DCUN1D5: variants seen among roughly 807,000 people sequenced by gnomAD.
DCUN1D5 encodes the protein DCN1-like protein 5.
Under a neutral mutation model 38.3 loss-of-function variants are expected in DCUN1D5, and 10 were observed. The ratio of observed to expected loss-of-function variants is 0.26; its 90% confidence interval spans 0.16 to 0.44. DCUN1D5 has a LOEUF of 0.44. DCUN1D5 is among the 20% of genes least tolerant of loss of function. The probability of loss-of-function intolerance (pLI) is 1.00; values close to 1 mark genes in which losing one functional copy is unlikely to be tolerated. For missense variants in DCUN1D5, 148 were observed against 275.3 expected (o/e 0.54, Z 3.27); for synonymous variants, 93 against 90.9 (o/e 1.02, Z -0.13).
chr11:103,090,338 G>C (rs117175527), intron 1 of DCUN1D5, among the ~76,000 whole-genome samples: 1 of 152,108 alleles, frequency 6.6e-6, no homozygotes, highest in South Asian at 2.1e-4. Flanking sequence ...ACAAACAAGA[G>C]GTGTATGTAT....
At chr11:103,079,739 T>C (rs1862507089) in intron 4 of DCUN1D5, among the ~76,000 whole-genome samples, 1 of 150,860 alleles carries the variant, frequency 6.6e-6, no homozygotes, top group Non-Finnish European at 1.5e-5. Flanking sequence ...GCCATGATTG[T>C]GTCACTGCTC....
rs891457038 is a variant in DCUN1D5 at position 103,073,056 on chromosome 11, T to C, written c.342-6489A>G. ...TTCAGCAAGGTCACAGGATACAAGA[T>C]AAACATATAAAAATCAATTGTATTT... On this transcript the variant is annotated intron_variant, in intron 4 of 7. Transcript: ENST00000260247. The surrounding 1 kb of genome is among the most constrained non-coding windows in gnomAD (Gnocchi z 4.2). 2.0e-5 allele frequency among the ~76,000 whole-genome samples: 3 copies of C among 152,282 alleles called. No homozygotes were observed. The East Asian group carries it at 5.8e-4, about 29-fold the overall frequency.
intron 4 of DCUN1D5, among the ~76,000 whole-genome samples, chr11:103,072,980 T>C (rs754651562): frequency 2.6e-4 from 39 of 152,198 alleles, no homozygotes; most frequent in Non-Finnish European, 4.3e-4. Context: ...GACATGACTA[T>C]GTAGAAAATC....
At chr11:103,075,478 T>C (rs1449249580) in intron 4 of DCUN1D5, among the ~76,000 whole-genome samples, 1 of 150,980 alleles carries the variant, frequency 6.6e-6, no homozygotes, top group Non-Finnish European at 1.5e-5. Context: ...GCCTCCGGGG[T>C]TCAAGTGATT....
Position 103,066,387 on chromosome 11 carries a change from G to T in DCUN1D5, c.451-14C>A. The T allele has an allele frequency of 6.2e-7, 1 of 1,601,962 alleles. No individual in the cohort carries two copies. The highest frequency in any genetic ancestry group is 1.1e-5 in the South Asian group (1 of 88,522). On this transcript the variant is annotated splice_polypyrimidine_tract_variant and intron_variant, in intron 5 of 7. Transcript: ENST00000260247. This position sits in a 1 kb window ranked among gnomAD's most constrained non-coding sequence, Gnocchi z 4.7. Reference sequence around the variant, plus strand: ...CTGATCTTTATCCTAAAATATAAGTGAAAAAGTTTTCCTAAGTGTGGTCTC... The same window carrying T: ...CTGATCTTTATCCTAAAATATAAGTTAAAAAGTTTTCCTAAGTGTGGTCTC...
At chr11:103,089,792 T>A (rs1048409608) in intron 1 of DCUN1D5, among the ~76,000 whole-genome samples, 1 of 152,094 alleles carries the variant, frequency 6.6e-6, no homozygotes, top group Admixed American at 6.5e-5. Context: ...CTTAAATAGA[T>A]TTTTAAAGAT....
intron 4 of DCUN1D5, among the ~76,000 whole-genome samples, chr11:103,067,084 T>C (rs904808275): frequency 9.2e-5 from 14 of 152,190 alleles, no homozygotes; most frequent in African/African-American, 3.4e-4. Context: ...CCCTATATTT[T>C]TGTGAACAAA....
chr11:103,081,349 T>A (rs1431641623), intron 4 of DCUN1D5, among the ~76,000 whole-genome samples: 1 of 152,196 alleles, frequency 6.6e-6, no homozygotes. Context: ...AAAACCTATA[T>A]TATTTGCATA....
rs1862275455 is a variant in DCUN1D5, at chr11:103,071,634, A to G, written c.342-5067T>C. On this transcript the variant is annotated intron_variant, in intron 4 of 7. Coordinates refer to ENST00000260247, the MANE Select transcript of DCUN1D5 (RefSeq NM_032299.4). The surrounding 1 kb of genome is among the most constrained non-coding windows in gnomAD (Gnocchi z 4.1). ...CACAGATTTTTACATAGATATAAAA[A>G]TTCTACATATGTAACAATTTTTCTA... is the stretch of plus-strand genomic sequence containing the variant. Among the ~76,000 whole-genome samples, 1 of 150,842 alleles carries G rather than the reference A, an allele frequency of 6.6e-6. No homozygotes were observed. Among genetic ancestry groups the G allele is most frequent in the Non-Finnish European group, 1.5e-5 (1 of 67,662 alleles).
In DCUN1D5 at chr11:103,057,774, C is replaced by G. The variant is rs1861909503; in HGVS notation, c.*4585G>C. On this transcript the variant is annotated 3_prime_UTR_variant, in exon 8 of 8. Transcript: ENST00000260247. The surrounding 1 kb of genome is among the most constrained non-coding windows in gnomAD (Gnocchi z 4.8). ...GCTAATATTCTACACAAAACACACACAGCTCACAGAGTTTTGGGGAAATCT... is the reference window on the plus strand; with the variant it reads ...GCTAATATTCTACACAAAACACACAGAGCTCACAGAGTTTTGGGGAAATCT... Among the ~76,000 whole-genome samples, 1 of 151,880 alleles carries G rather than the reference C, an allele frequency of 6.6e-6. No individual in the cohort carries two copies. Among genetic ancestry groups the G allele is most frequent in the Non-Finnish European group, 1.5e-5 (1 of 67,982 alleles).
At position 103,052,111 on chromosome 11, in the gene DCUN1D5, A is replaced by C. The variant is rs552503804; in HGVS notation, c.*10248T>G. The C allele has an allele frequency of 1.1e-4, 16 of 152,194 alleles. No individual in the cohort carries two copies. Among genetic ancestry groups the C allele is most frequent in the Non-Finnish European group, 2.2e-4 (15 of 68,028 alleles). 9.4% of individuals were successfully genotyped at this position (152,194 alleles called of 1,614,324 possible). ...AAGACACTGTGCCCGGTTATGTGAG[A>C]CTGCTCCAGTACTACTTAAACGTAA... On this transcript the variant is annotated 3_prime_UTR_variant, in exon 8 of 8. Transcript: ENST00000260247.
intron 2 of DCUN1D5, 142 bp downstream of exon 2, chr11:103,089,085 C>T: frequency 1.6e-6 from 1 of 637,538 alleles, no homozygotes; most frequent in Non-Finnish European, 2.3e-6. Flanking sequence ...TTTTAGTCTA[C>T]CCACAATCTT....
At chr11:103,089,129 AC>A (rs1862787288) in intron 2 of DCUN1D5, 97 bp downstream of exon 2, 1 of 1,241,292 alleles carries the variant, frequency 8.1e-7, no homozygotes, top group African/African-American at 1.5e-5. Flanking sequence ...CACAGCACTA[AC>A]ACATAGCAGG....
Position 103,058,100 on chromosome 11 carries a change from G to A in DCUN1D5, c.*4259C>T, listed in dbSNP as rs1267493492. ...ATTATAAGACAAGATTCAATACTTA[G>A]GTTAAAATCTAACCTTACTATATAG... On this transcript the variant is annotated 3_prime_UTR_variant, in exon 8 of 8. Transcript: ENST00000260247. Among the ~76,000 whole-genome samples, 4 of 152,134 alleles carry A rather than the reference G, an allele frequency of 2.6e-5. No individual in the cohort carries two copies. Among genetic ancestry groups the A allele is most frequent in the African/African-American group, 7.2e-5 (3 of 41,504 alleles).
At position 103,061,965 on chromosome 11, in the gene DCUN1D5, A is replaced by T. The variant is rs1862022351; in HGVS notation, c.*394T>A. The T allele has an allele frequency of 5.7e-6, 1 of 176,162 alleles. No homozygotes were observed. The highest frequency in any genetic ancestry group is 1.2e-5 in the Non-Finnish European group (1 of 84,464). The allele number at this position is 176,162 out of a possible 1,614,324, so 10.9% of individuals were successfully genotyped here. A position where few individuals can be genotyped will look rare whatever the true frequency, so the allele number is the denominator to read the frequency against. ...GCAGACTATGTTGCCAAATATTAAG[A>T]CTGTTTAAAATCTTGAAAATTCTGT... On this transcript the variant is annotated 3_prime_UTR_variant, in exon 8 of 8. Transcript: ENST00000260247.
At chr11:103,075,563 G>A (rs1483466057) in intron 4 of DCUN1D5, among the ~76,000 whole-genome samples, 1 of 152,076 alleles carries the variant, frequency 6.6e-6, no homozygotes, top group African/African-American at 2.4e-5. Flanking sequence ...TGTATTTTTA[G>A]TAGAGACGGG....
At chr11:103,067,916 C>T (rs568854034) in intron 4 of DCUN1D5, among the ~76,000 whole-genome samples, 2 of 151,984 alleles carry the variant, frequency 1.3e-5, no homozygotes, top group Non-Finnish European at 2.9e-5. Flanking sequence ...TTTTCCCCCC[C>T]GTTTTTTGAA....
Position 103,061,364 on chromosome 11 carries a change from A to AAAG in DCUN1D5, c.*992_*994dup, listed in dbSNP as rs1425283487. Among the ~76,000 whole-genome samples the AAAG allele has an allele frequency of 2.6e-5, 4 of 152,144 alleles. No individual in the cohort carries two copies. Among genetic ancestry groups the AAAG allele is most frequent in the African/African-American group, 7.2e-5 (3 of 41,426 alleles). ...TACAAACAGGCCTGCTGCTAGTACA[A>AAAG]AAGTGCCTTTTACATGAATTAGGAA... On this transcript the variant is annotated 3_prime_UTR_variant, in exon 8 of 8. Transcript: ENST00000260247.
intron 2 of DCUN1D5, among the ~76,000 whole-genome samples, chr11:103,085,703 G>C (rs888691271): frequency 1.1e-4 from 17 of 152,110 alleles, no homozygotes; most frequent in Admixed American, 9.8e-4. Flanking sequence ...CAATACCATT[G>C]CTTCCAATCT....
Sources: allele counts gnomAD v4.1 joint callset (sites outside exome capture counted in the v4.1 genomes callset), GRCh38; gene constraint gnomAD v4.1.1; non-coding constraint Gnocchi (gnomAD v3.1); transcripts MANE v1.5; gene names NCBI Gene and HGNC (gene_info 2026-07-23, HGNC 2026-07-21).